PALM2AKAP2: variants seen among roughly 807,000 people sequenced by gnomAD.
PALM2AKAP2 encodes PALM2-AKAP2 fusion protein.
Under a neutral mutation model 71.5 loss-of-function variants are expected in PALM2AKAP2, and 37 were observed. That is an observed-to-expected ratio of 0.52 (90% CI 0.40 to 0.68). The LOEUF is 0.68. Ranked by LOEUF, PALM2AKAP2 falls within the 30% of genes least tolerant of loss-of-function variation. The probability of loss-of-function intolerance (pLI) is 0.00; values close to 1 mark genes in which losing one functional copy is unlikely to be tolerated. For synonymous variants in PALM2AKAP2, 468 were observed against 478.8 expected, an observed-to-expected ratio of 0.98 and a Z score of 0.29; for missense variants, 1,224 against 1,191.8, an observed-to-expected ratio of 1.03 and a Z score of -0.40.
intron 1 of PALM2AKAP2, among the ~76,000 whole-genome samples, chr9:109,752,545 G>A (rs966817046): frequency 6.6e-6 from 1 of 152,118 alleles, no homozygotes; most frequent in African/African-American, 2.4e-5. Flanking sequence ...AAGCCTAGAG[G>A]TGTAGGAGCA....
intron 1 of PALM2AKAP2, among the ~76,000 whole-genome samples, chr9:110,092,904 A>G (rs1222774718): frequency 6.6e-6 from 1 of 152,072 alleles, no homozygotes; most frequent in African/African-American, 2.4e-5. Context: ...ATGGGCTCTG[A>G]TTGCTTCTCC....
At chr9:109,998,626 C>CGGG (rs200124044) in intron 6 of PALM2AKAP2, among the ~76,000 whole-genome samples, 1 of 19,208 alleles carries the variant, frequency 5.2e-5, no homozygotes, top group African/African-American at 1.7e-4. Flanking sequence ...CTGACCAGGG[C>CGGG]GGGGGAGTGG....
chr9:109,941,215 G>A (rs1229984415), intron 6 of PALM2AKAP2, among the ~76,000 whole-genome samples: 3 of 141,072 alleles, frequency 2.1e-5, no homozygotes, highest in Non-Finnish European at 4.5e-5. Flanking sequence ...TAGCTCCTCT[G>A]GCCATACAGA....
chr9:109,975,223 C>T (rs1438506754), intron 6 of PALM2AKAP2, among the ~76,000 whole-genome samples: 1 of 152,118 alleles, frequency 6.6e-6, no homozygotes, highest in Non-Finnish European at 1.5e-5. Context: ...AGCTGGAGGC[C>T]CAGGAAAGCC....
intron 1 of PALM2AKAP2, among the ~76,000 whole-genome samples, chr9:109,735,775 T>C (rs1295031959): frequency 2.6e-5 from 4 of 152,180 alleles, no homozygotes; most frequent in African/African-American, 9.7e-5. Context: ...TAATGGTAGG[T>C]CTGCCTTCAT....
At chr9:109,989,063 T>A (rs1832428639) in intron 6 of PALM2AKAP2, among the ~76,000 whole-genome samples, 1 of 152,228 alleles carries the variant, frequency 6.6e-6, no homozygotes, top group Non-Finnish European at 1.5e-5. Context: ...CCTCTTTTCC[T>A]TTATAAATTA....
At chr9:109,874,223 G>A (rs1829668903) in intron 2 of PALM2AKAP2, among the ~76,000 whole-genome samples, 1 of 152,164 alleles carries the variant, frequency 6.6e-6, no homozygotes, top group Non-Finnish European at 1.5e-5. Context: ...GGGGGAGAGA[G>A]AGCATCAATA....
chr9:110,167,478 TC>T (rs1836767060), intron 3 of PALM2AKAP2, among the ~76,000 whole-genome samples: 1 of 151,930 alleles, frequency 6.6e-6, no homozygotes, highest in Non-Finnish European at 1.5e-5. Flanking sequence ...TGGAATCTCT[TC>T]TTGATCAAAC....
intron 1 of PALM2AKAP2, among the ~76,000 whole-genome samples, chr9:109,723,469 G>A (rs1828433641): frequency 1.3e-5 from 2 of 152,160 alleles, no homozygotes; most frequent in African/African-American, 4.8e-5. Flanking sequence ...TGCTGACAAT[G>A]GAACTCATAG....
At chr9:109,885,751 C>T (rs554586359) in intron 3 of PALM2AKAP2, among the ~76,000 whole-genome samples, 1 of 152,258 alleles carries the variant, frequency 6.6e-6, no homozygotes, top group South Asian at 2.1e-4. Context: ...TGAAGTCTCT[C>T]CTCCATAGGC....
intron 1 of PALM2AKAP2, among the ~76,000 whole-genome samples, chr9:109,757,390 A>C (rs1451933649): frequency 6.6e-6 from 1 of 152,148 alleles, no homozygotes; most frequent in Non-Finnish European, 1.5e-5. Flanking sequence ...TTGAAATAAA[A>C]GCCTTTGATG....
intron 6 of PALM2AKAP2, among the ~76,000 whole-genome samples, chr9:109,942,386 A>G (rs1291525275): frequency 6.6e-6 from 1 of 152,324 alleles, no homozygotes; most frequent in Non-Finnish European, 1.5e-5. Flanking sequence ...CCTCCATGAA[A>G]TTCTTCACAC....
chr9:109,668,756 G>C (rs1166418113), intron 1 of PALM2AKAP2, among the ~76,000 whole-genome samples: 1 of 152,200 alleles, frequency 6.6e-6, no homozygotes, highest in Non-Finnish European at 1.5e-5. Flanking sequence ...TGTGATTTCA[G>C]GTTGGAGGGT....
At chr9:109,871,537 A>C (rs901330147) in intron 2 of PALM2AKAP2, among the ~76,000 whole-genome samples, 1 of 152,214 alleles carries the variant, frequency 6.6e-6, no homozygotes, top group African/African-American at 2.4e-5. Context: ...AAGTACAGCA[A>C]AATATAAAGA....
intron 1 of PALM2AKAP2, among the ~76,000 whole-genome samples, chr9:110,105,709 G>C (rs1835104016): frequency 6.6e-6 from 1 of 152,160 alleles, no homozygotes; most frequent in South Asian, 2.1e-4. Flanking sequence ...CTTTACTGTA[G>C]GGAAGTAGGT....
chr9:109,983,410 C>T (rs1315233673), intron 6 of PALM2AKAP2, among the ~76,000 whole-genome samples: 2 of 152,032 alleles, frequency 1.3e-5, no homozygotes, highest in African/African-American at 2.4e-5. Flanking sequence ...TCTTTTTCGT[C>T]TCCTTCTTTT....
intron 6 of PALM2AKAP2, among the ~76,000 whole-genome samples, chr9:110,013,776 A>G (rs1832925087): frequency 6.6e-6 from 1 of 152,242 alleles, no homozygotes; most frequent in African/African-American, 2.4e-5. Flanking sequence ...TTAAAATTTC[A>G]TTAATTTCGT....
intron 1 of PALM2AKAP2, among the ~76,000 whole-genome samples, chr9:110,107,336 C>T (rs1835142404): frequency 6.6e-6 from 1 of 152,050 alleles, no homozygotes; most frequent in Non-Finnish European, 1.5e-5. Flanking sequence ...TGTACGGAAA[C>T]ATCACTATGT....
intron 6 of PALM2AKAP2, chr9:109,943,323 C>G (rs1308080115): frequency 6.2e-7 from 1 of 1,614,228 alleles, no homozygotes; most frequent in Non-Finnish European, 8.5e-7. Flanking sequence ...TCTCAGACAC[C>G]ACAGAGCCCT....
Sources: gnomAD v4.1 joint callset for allele counts (sites outside exome capture counted in the v4.1 genomes callset) on GRCh38, gnomAD v4.1.1 for gene constraint, MANE v1.5 for transcripts, NCBI Gene and HGNC (gene_info 2026-07-23, HGNC 2026-07-21) for gene names.